Variants in PIP5K1C observed in about 807,000 individuals in gnomAD.
PIP5K1C encodes phosphatidylinositol 4-phosphate 5-kinase type-1 gamma.
PIP5K1C carries 45 observed loss-of-function variants against 80.1 expected under a neutral mutation model. The observed-to-expected ratio is 0.56, with a 90% CI of 0.44 to 0.72. The LOEUF (loss-of-function observed/expected upper bound fraction) is 0.72. PIP5K1C is among the 30% of genes least tolerant of loss of function. The pLI is 0.00. For synonymous variants in PIP5K1C, 498 were observed against 420.1 expected (o/e 1.19, Z -2.27); for missense variants, 753 against 954.6 (o/e 0.79, Z 2.78).
chr19:3,689,697 G>A (rs1447834693), intron 1 of PIP5K1C, among the ~76,000 whole-genome samples: 1 of 152,072 alleles, frequency 6.6e-6, no homozygotes, highest in East Asian at 1.9e-4. Context: ...ACAAATAATG[G>A]AACTGGCTGC....
At position 3,648,969 on chromosome 19, in the gene PIP5K1C, T is replaced by G. The variant is rs966648051; in HGVS notation, c.1128-261A>C. ...CATACCCCCTACACACACGTGTGCCTGGACACACACATGCACACACACGCA... is the reference window on the plus strand; with the variant it reads ...CATACCCCCTACACACACGTGTGCCGGGACACACACATGCACACACACGCA... On this transcript the variant is annotated intron_variant, in intron 8 of 17. Coordinates refer to ENST00000335312, the MANE Select transcript of PIP5K1C (RefSeq NM_012398.3). The surrounding 1 kb of genome is among the most constrained non-coding windows in gnomAD (Gnocchi z 4.3). Among the ~76,000 whole-genome samples the G allele has an allele frequency of 3.3e-5, 5 of 152,100 alleles. No individual in the cohort carries two copies. The highest frequency in any genetic ancestry group is 1.2e-4 in the African/African-American group (5 of 41,406).
rs572189637 is a variant in PIP5K1C, at chr19:3,639,457, G to A, written c.1788-441C>T. ...TTCATTGATTTGTTTTTTCAGACAGGCCCTGGCTCCATCAGCCAGGCTGGC... is the reference window on the plus strand; with the variant it reads ...TTCATTGATTTGTTTTTTCAGACAGACCCTGGCTCCATCAGCCAGGCTGGC... On this transcript the variant is annotated intron_variant, in intron 15 of 17. Coordinates refer to ENST00000335312, the MANE Select transcript of PIP5K1C (RefSeq NM_012398.3). Among the ~76,000 whole-genome samples, 130 of 152,200 alleles carry A rather than the reference G, an allele frequency of 8.5e-4. 1 individual carries two copies. Among genetic ancestry groups the A allele is most frequent in the African/African-American group, 3.1e-3 (127 of 41,534 alleles).
In PIP5K1C at chr19:3,692,507, C is replaced by T. The variant is rs553153760; in HGVS notation, c.94+7790G>A. Among the ~76,000 whole-genome samples the T allele has an allele frequency of 6.6e-6, 1 of 152,196 alleles. No homozygotes were observed. The highest frequency in any genetic ancestry group is 2.4e-5 in the African/African-American group (1 of 41,434). Reference sequence around the variant, plus strand: ...CTCAATCCCCCCTCAGCCCCACACTCAACCTTCAAAAGGTCCTGCTGGCTC... The same window carrying T: ...CTCAATCCCCCCTCAGCCCCACACTTAACCTTCAAAAGGTCCTGCTGGCTC... On this transcript the variant is annotated intron_variant, in intron 1 of 17. Coordinates refer to ENST00000335312, the MANE Select transcript of PIP5K1C (RefSeq NM_012398.3). This position sits in a 1 kb window ranked among gnomAD's most constrained non-coding sequence, Gnocchi z 5.2.
At chr19:3,675,186 A>ATT (rs1201188088) in intron 1 of PIP5K1C, among the ~76,000 whole-genome samples, 1 of 152,220 alleles carries the variant, frequency 6.6e-6, no homozygotes, top group African/African-American at 2.4e-5. Flanking sequence ...AACTCTGTGA[A>ATT]TACGCCGAGA....
At chr19:3,652,409 G>A (rs2034485780) in intron 7 of PIP5K1C, among the ~76,000 whole-genome samples, 1 of 152,258 alleles carries the variant, frequency 6.6e-6, no homozygotes, top group Admixed American at 6.5e-5. Flanking sequence ...CAGGTGGGTG[G>A]ATGCCCAGGG....
chr19:3,648,215 G>A lies in PIP5K1C; in HGVS notation c.1211+410C>T, dbSNP rs970655111. Among the ~76,000 whole-genome samples the A allele has an allele frequency of 1.4e-4, 21 of 152,004 alleles. No homozygotes were observed. The highest frequency in any genetic ancestry group is 5.1e-4 in the African/African-American group (21 of 41,366). ...TTTTTTGATATTTTGTAGAGATGGG[G>A]TCTTGCTATGTTGCCCAGGCTGGTC... On this transcript the variant is annotated intron_variant, in intron 9 of 17. Transcript: ENST00000335312. This position sits in a 1 kb window ranked among gnomAD's most constrained non-coding sequence, Gnocchi z 4.3.
intron 5 of PIP5K1C, among the ~76,000 whole-genome samples, chr19:3,659,133 C>G (rs565614246): frequency 2.0e-5 from 3 of 152,308 alleles, no homozygotes; most frequent in Middle Eastern, 6.8e-3. Flanking sequence ...CCGGCAACCT[C>G]GAGTCCCCTC....
At chr19:3,653,636 C>T in intron 6 of PIP5K1C, 47 bp from the exon 7 acceptor site, 3 of 1,552,078 alleles carry the variant, frequency 1.9e-6, no homozygotes, top group South Asian at 1.2e-5. Context: ...GGGCCACAGA[C>T]TCACGGGGGC....
intron 1 of PIP5K1C, among the ~76,000 whole-genome samples, chr19:3,694,719 G>A (rs1022878296): frequency 5.3e-5 from 8 of 152,160 alleles, no homozygotes; most frequent in African/African-American, 9.7e-5. Context: ...CCACGGCCTC[G>A]GCGCGACTAT....
intron 16 of PIP5K1C, among the ~76,000 whole-genome samples, chr19:3,636,111 C>T (rs1227145519): frequency 6.6e-6 from 1 of 151,126 alleles, no homozygotes; most frequent in East Asian, 1.9e-4. Flanking sequence ...GAGCTGAGAT[C>T]ATGCCATTGC....
chr19:3,682,715 A>T (rs2145579274), intron 1 of PIP5K1C, among the ~76,000 whole-genome samples: 1 of 152,142 alleles, frequency 6.6e-6, no homozygotes, highest in East Asian at 1.9e-4. Flanking sequence ...ATAAAAAATA[A>T]AGAGCAGAAG....
intron 3 of PIP5K1C, among the ~76,000 whole-genome samples, chr19:3,663,005 C>A (rs189516536): frequency 6.6e-6 from 1 of 151,992 alleles, no homozygotes; most frequent in Admixed American, 6.6e-5. Context: ...GGATTACAGG[C>A]ACGCACCAGC....
chr19:3,692,865 C>T lies in PIP5K1C; in HGVS notation c.94+7432G>A, dbSNP rs1040296001. Among the ~76,000 whole-genome samples, 2 of 151,642 alleles carry T rather than the reference C, an allele frequency of 1.3e-5. No individual in the cohort carries two copies. The highest frequency in any genetic ancestry group is 2.9e-5 in the Non-Finnish European group (2 of 67,866). On this transcript the variant is annotated intron_variant, in intron 1 of 17. Transcript: ENST00000335312. This position sits in a 1 kb window ranked among gnomAD's most constrained non-coding sequence, Gnocchi z 5.2. ...CTCACTGTTCCTCTAAAACACCAGG[C>T]GTGGTCCTGCCCCAGAGCCTTTGCA... is the stretch of plus-strand genomic sequence containing the variant.
chr19:3,663,577 G>A (rs2034908800), intron 3 of PIP5K1C, among the ~76,000 whole-genome samples: 1 of 152,230 alleles, frequency 6.6e-6, no homozygotes, highest in South Asian at 2.1e-4. Flanking sequence ...CAGTCGGGAG[G>A]CCGGGGTGGG....
rs1488843747 is a variant in PIP5K1C, at chr19:3,695,389, T to C, written c.94+4908A>G. 4.6e-5 allele frequency among the ~76,000 whole-genome samples: 7 copies of C among 152,184 alleles called. No homozygotes were observed. The East Asian group carries it at 1.3e-3, about 29-fold the overall frequency. On this transcript the variant is annotated intron_variant, in intron 1 of 17. Coordinates refer to ENST00000335312, the MANE Select transcript of PIP5K1C (RefSeq NM_012398.3). ...GGGACGGAGGGGGCACCCAGCTTTCTCACGGGGCCGGCTGCCTGTCCCGTG... is the reference window on the plus strand; with the variant it reads ...GGGACGGAGGGGGCACCCAGCTTTCCCACGGGGCCGGCTGCCTGTCCCGTG...
chr19:3,643,091 CCCCGCGCA>C (rs2034041688), intron 13 of PIP5K1C, 144 bp downstream of exon 13: 9 of 1,463,174 alleles, frequency 6.2e-6, no homozygotes, highest in East Asian at 2.3e-5. Context: ...GATGCTCCGC[CCCCGCGCA>C]CCCACATGCA....
At chr19:3,670,276 C>T (rs1444848720) in intron 1 of PIP5K1C, among the ~76,000 whole-genome samples, 5 of 152,174 alleles carry the variant, frequency 3.3e-5, no homozygotes, top group African/African-American at 7.2e-5. Flanking sequence ...AGCCTGCAAC[C>T]GTATTTGGAA....
intron 1 of PIP5K1C, among the ~76,000 whole-genome samples, chr19:3,689,094 C>CT (rs1329749960): frequency 6.6e-6 from 1 of 152,212 alleles, no homozygotes; most frequent in Non-Finnish European, 1.5e-5. Flanking sequence ...TCACGGCTCA[C>CT]TGCAGCCTCA....
chr19:3,648,631 G>A lies in PIP5K1C; in HGVS notation c.1205C>T (p.Ser402Phe). The A allele has an allele frequency of 6.2e-7, 1 of 1,612,726 alleles. No individual in the cohort carries two copies. The highest frequency in any genetic ancestry group is 8.5e-7 in the Non-Finnish European group (1 of 1,179,620). The stretch of plus-strand genomic sequence containing the variant: ...TGCAGACCCGGGCACCCACCTGTAG[G>A]ACTGCAGGATGTCGATGATGCCAAT... The part of the protein sequence containing the change: ...LHIGIIDILQ[S>F]YRFIKKLEHT... The change falls in exon 9 of 18, where the codon TCC becomes TTC. Residue 402 changes from serine to phenylalanine, a missense_variant. Coordinates refer to ENST00000335312, the MANE Select transcript of PIP5K1C (RefSeq NM_012398.3). The surrounding 1 kb of genome is among the most constrained non-coding windows in gnomAD (Gnocchi z 4.3).
Sources: allele counts gnomAD v4.1 joint callset (sites outside exome capture counted in the v4.1 genomes callset), GRCh38; gene constraint gnomAD v4.1.1; non-coding constraint Gnocchi (gnomAD v3.1); transcripts MANE v1.5; gene names NCBI Gene and HGNC (gene_info 2026-07-23, HGNC 2026-07-21).